PJA2: variants seen among roughly 807,000 people sequenced by gnomAD.
The protein encoded by PJA2 is praja ring finger ubiquitin ligase 2.
A neutral mutation model predicts 69.3 loss-of-function variants in PJA2; 25 were observed. The observed-to-expected ratio is 0.36, with a 90% CI of 0.26 to 0.50. The LOEUF is 0.50. Ranked by LOEUF, PJA2 falls within the 20% of genes least tolerant of loss-of-function variation. The pLI, the probability that PJA2 is intolerant of heterozygous loss-of-function variation, is 0.96. For missense variants in PJA2, 809 were observed against 830.2 expected (o/e 0.97, Z 0.31); for synonymous variants, 308 against 277.8 (o/e 1.11, Z -1.08).
At chr5:109,376,235 T>C (rs1264194889) in intron 4 of PJA2, among the ~76,000 whole-genome samples, 1 of 137,124 alleles carries the variant, frequency 7.3e-6, no homozygotes, top group Non-Finnish European at 1.6e-5. Context: ...TAAATGTTTT[T>C]TCCCATCTAT....
At chr5:109,341,413 C>T (rs1263514153) in intron 9 of PJA2, among the ~76,000 whole-genome samples, 16 of 144,762 alleles carry the variant, frequency 1.1e-4, no homozygotes, top group Admixed American at 5.4e-4. Context: ...GCAACCACCC[C>T]GTCTGAGAAG....
chr5:109,343,291 A>T, intron 9 of PJA2, among the ~76,000 whole-genome samples: 2 of 28,542 alleles, frequency 7.0e-5, no homozygotes, highest in South Asian at 2.5e-3. Flanking sequence ...AAAAAAAAAA[A>T]AGAAAGAAAG....
At chr5:109,375,772 C>T (rs1029364978) in intron 4 of PJA2, among the ~76,000 whole-genome samples, 5 of 152,100 alleles carry the variant, frequency 3.3e-5, no homozygotes, top group African/African-American at 4.8e-5. Context: ...GACAATGAAA[C>T]ATCAGGGAGA....
intron 1 of PJA2, among the ~76,000 whole-genome samples, chr5:109,396,015 G>GA (rs1477179758): frequency 1.2e-3 from 158 of 129,994 alleles, no homozygotes; most frequent in African/African-American, 4.0e-3. Context: ...AAAAAAAAAA[G>GA]AAAAAAAAAG....
intron 1 of PJA2, among the ~76,000 whole-genome samples, chr5:109,391,148 T>A (rs1159535116): frequency 6.6e-6 from 1 of 152,164 alleles, no homozygotes; most frequent in African/African-American, 2.4e-5. Context: ...TGTAGTTCTT[T>A]TACCAGGTCC....
intron 7 of PJA2, among the ~76,000 whole-genome samples, chr5:109,353,353 T>A (rs1161240020): frequency 1.4e-5 from 2 of 141,534 alleles, no homozygotes; most frequent in African/African-American, 5.0e-5. Flanking sequence ...ATCATAGACA[T>A]CTATATATTA....
intron 2 of PJA2, 128 bp from the exon 3 acceptor site, chr5:109,381,831 A>G (rs1747056383): frequency 1.4e-6 from 1 of 713,866 alleles, no homozygotes; most frequent in Non-Finnish European, 2.3e-6. Context: ...CATGAAGTGT[A>G]CCTTACTAGT....
At chr5:109,343,407 TA>T (rs930465626) in intron 9 of PJA2, among the ~76,000 whole-genome samples, 2 of 69,906 alleles carry the variant, frequency 2.9e-5, no homozygotes, top group Admixed American at 1.3e-4. Flanking sequence ...AGACAATATA[TA>T]AAAACTGGAA....
At chr5:109,366,047 A>C (rs1413766304) in intron 5 of PJA2, among the ~76,000 whole-genome samples, 1 of 152,126 alleles carries the variant, frequency 6.6e-6, no homozygotes, top group Admixed American at 6.5e-5. Context: ...GTTCCATCCC[A>C]GATATTAGAA....
chr5:109,401,008 A>G (rs1257285332), intron 1 of PJA2, among the ~76,000 whole-genome samples: 1 of 151,484 alleles, frequency 6.6e-6, no homozygotes, highest in Admixed American at 6.6e-5. Flanking sequence ...AACAACAACA[A>G]CAAAAAAACC....
At chr5:109,354,508 CTATATCGATATTAGATATCTATAATATCT>C (rs1561346511) in intron 7 of PJA2, among the ~76,000 whole-genome samples, 25 of 29,880 alleles carry the variant, frequency 8.4e-4, no homozygotes, top group African/African-American at 3.0e-3. Context: ...TCATAGATAT[CTATATCGATATTAGATATCTATAATATCT>C]ATAGATATCT....
At chr5:109,343,293 GAAAGAA>G (rs1762112847) in intron 9 of PJA2, among the ~76,000 whole-genome samples, 1 of 21,964 alleles carries the variant, frequency 4.6e-5, no homozygotes, top group Non-Finnish European at 1.1e-4. Context: ...AAAAAAAAAA[GAAAGAA>G]AGAAAGAAAG....
At chr5:109,381,375 G>C (rs1052803531) in intron 3 of PJA2, 128 bp downstream of exon 3, 10 of 647,266 alleles carry the variant, frequency 1.5e-5, no homozygotes, top group African/African-American at 1.3e-4. Context: ...TTTCAAAATA[G>C]AATTTCTTGA....
At chr5:109,376,160 C>T (rs764135951) in intron 4 of PJA2, among the ~76,000 whole-genome samples, 1 of 151,462 alleles carries the variant, frequency 6.6e-6, no homozygotes, top group Non-Finnish European at 1.5e-5. Flanking sequence ...TTTTGGCATA[C>T]CCTAACCACA....
rs768401235 is a variant in PJA2, at chr5:109,378,186, T to C, written c.1283+18A>G. 30 of 1,567,784 alleles carry C rather than the reference T, an allele frequency of 1.9e-5. No homozygotes were observed. Among genetic ancestry groups the C allele is most frequent in the Non-Finnish European group, 2.6e-5 (30 of 1,150,320 alleles). On this transcript the variant is annotated intron_variant, in intron 4 of 9. Coordinates refer to ENST00000361189, the MANE Select transcript of PJA2 (RefSeq NM_014819.5). ...TCATTTACTACACAATCGGAAAAAGTACTGGATGTGACCTTACCTATCTTC... is the reference window on the plus strand; with the variant it reads ...TCATTTACTACACAATCGGAAAAAGCACTGGATGTGACCTTACCTATCTTC...
At chr5:109,381,742 T>C (rs769738853) in intron 2 of PJA2, 39 bp from the exon 3 acceptor site, 2 of 1,579,756 alleles carry the variant, frequency 1.3e-6, no homozygotes, top group Non-Finnish European at 1.7e-6. Flanking sequence ...GGAACAGCAA[T>C]GAGCTTTATT....
intron 1 of PJA2, among the ~76,000 whole-genome samples, chr5:109,408,858 C>T (rs528125577): frequency 6.6e-6 from 1 of 152,342 alleles, no homozygotes; most frequent in East Asian, 1.9e-4. Context: ...TTCAAATGAT[C>T]CGTAGCCTTC....
At chr5:109,371,582 A>G (rs1423141507) in intron 4 of PJA2, among the ~76,000 whole-genome samples, 1 of 152,212 alleles carries the variant, frequency 6.6e-6, no homozygotes, top group Non-Finnish European at 1.5e-5. Flanking sequence ...TATATAGTCA[A>G]TTATTAATTG....
intron 1 of PJA2, among the ~76,000 whole-genome samples, chr5:109,395,308 A>G (rs779682945): frequency 2.6e-5 from 4 of 152,072 alleles, no homozygotes; most frequent in Non-Finnish European, 4.4e-5. Flanking sequence ...GAAGGTGGAT[A>G]GTTTGAGCCC....
Sources: allele counts gnomAD v4.1 joint callset (sites outside exome capture counted in the v4.1 genomes callset), GRCh38; gene constraint gnomAD v4.1.1; transcripts MANE v1.5; gene names NCBI Gene and HGNC (gene_info 2026-07-23, HGNC 2026-07-21).